Variants in PRKAR1B observed in about 807,000 individuals in gnomAD.
PRKAR1B encodes the protein cAMP-dependent protein kinase type I-beta regulatory subunit.
In PRKAR1B, 22 loss-of-function variants were observed where a neutral mutation model predicts 46.5. The ratio of observed to expected loss-of-function variants is 0.47; its 90% confidence interval spans 0.34 to 0.68. The LOEUF (loss-of-function observed/expected upper bound fraction) is 0.68. PRKAR1B is among the 30% of genes least tolerant of loss of function. The pLI is 0.01. For missense variants in PRKAR1B, 445 were observed against 535.6 expected (o/e 0.83, Z 1.67); for synonymous variants, 259 against 217.7 (o/e 1.19, Z -1.67).
At chr7:725,802 C>T (rs952748616) in intron 1 of PRKAR1B, among the ~76,000 whole-genome samples, 1 of 152,190 alleles carries the variant, frequency 6.6e-6, no homozygotes, top group Non-Finnish European at 1.5e-5. Context: ...AAGATTGGTG[C>T]TCAAGATATT....
At chr7:642,885 C>A (rs2128485890) in intron 4 of PRKAR1B, among the ~76,000 whole-genome samples, 1 of 151,596 alleles carries the variant, frequency 6.6e-6, no homozygotes, top group Middle Eastern at 3.4e-3. Context: ...GGGTCGCAGT[C>A]ATCTGTCCTG....
rs1331727272 is a variant in PRKAR1B, at chr7:666,995, G to A, written c.440+10234C>T. ...TGATGGTGATGATAAAGATGATGAT[G>A]GCAATGGTGGTGATGAGGATGGTGG... is the stretch of plus-strand genomic sequence containing the variant. On this transcript the variant is annotated intron_variant, in intron 4 of 10. Transcript: ENST00000537384. The surrounding 1 kb of genome is among the most constrained non-coding windows in gnomAD (Gnocchi z 4.9). Among the ~76,000 whole-genome samples, 1 of 152,212 alleles carries A rather than the reference G, an allele frequency of 6.6e-6. No individual in the cohort carries two copies. Among genetic ancestry groups the A allele is most frequent in the Non-Finnish European group, 1.5e-5 (1 of 68,032 alleles).
rs1337727605 is a variant in PRKAR1B, at chr7:602,849, G to A, written c.549+3344C>T. Among the ~76,000 whole-genome samples the A allele has an allele frequency of 6.6e-6, 1 of 152,140 alleles. No individual in the cohort carries two copies. Among genetic ancestry groups the A allele is most frequent in the East Asian group, 1.9e-4 (1 of 5,182 alleles). ...TTTCTGAGTAATATGGAAATGGCAC[G>A]GCTCAGCCACACAAGGGCCTGGGCA... On this transcript the variant is annotated intron_variant, in intron 6 of 10. Coordinates refer to ENST00000537384, the MANE Select transcript of PRKAR1B (RefSeq NM_001164760.2). This position sits in a 1 kb window ranked among gnomAD's most constrained non-coding sequence, Gnocchi z 6.4.
chr7:711,422 C>T lies in PRKAR1B; in HGVS notation c.84G>A (p.Gln28=). 6.2e-7 allele frequency: 1 copy of T among 1,614,234 alleles called. No individual in the cohort carries two copies. Among genetic ancestry groups the T allele is most frequent in the East Asian group, 2.2e-5 (1 of 44,880 alleles). Residue 28 remains glutamine, a synonymous_variant, in exon 2 of 11, where the codon CAG becomes CAA. Coordinates refer to ENST00000537384, the MANE Select transcript of PRKAR1B (RefSeq NM_001164760.2). ...CELYVQLHGI[Q]QVLKDCIVHL... ...GGACGATACAGTCTTTGAGGACCTG[C>T]TGGATCCCGTGCAGCTGCACGTACA... is the stretch of plus-strand genomic sequence containing the variant.
At chr7:601,623 C>T (rs992533170) in intron 6 of PRKAR1B, among the ~76,000 whole-genome samples, 4 of 152,212 alleles carry the variant, frequency 2.6e-5, no homozygotes, top group Admixed American at 6.5e-5. Context: ...CGGCCCCGCC[C>T]GGCCCCGCCG....
chr7:615,387 T>A (rs1332613127), intron 4 of PRKAR1B, among the ~76,000 whole-genome samples: 1 of 149,392 alleles, frequency 6.7e-6, no homozygotes, highest in Non-Finnish European at 1.5e-5. Context: ...ATCGCGCCAC[T>A]GCACGCCAGC....
intron 4 of PRKAR1B, among the ~76,000 whole-genome samples, chr7:645,805 G>A (rs891385971): frequency 6.6e-6 from 1 of 152,106 alleles, no homozygotes; most frequent in African/African-American, 2.4e-5. Flanking sequence ...GTCAGCATGC[G>A]GGGGTGCTCC....
chr7:684,941 A>G (rs1262278241), intron 2 of PRKAR1B, among the ~76,000 whole-genome samples: 1 of 151,960 alleles, frequency 6.6e-6, no homozygotes, highest in African/African-American at 2.4e-5. Flanking sequence ...ATTTCATTTT[A>G]AATACTTCAA....
chr7:681,782 T>A (rs1778700081), intron 2 of PRKAR1B, among the ~76,000 whole-genome samples: 2 of 152,360 alleles, frequency 1.3e-5, no homozygotes, highest in South Asian at 4.1e-4. Context: ...TCAGCCACTC[T>A]AAACCTCATG....
intron 2 of PRKAR1B, among the ~76,000 whole-genome samples, chr7:702,805 C>A (rs556183706): frequency 3.3e-5 from 5 of 151,876 alleles, no homozygotes; most frequent in Non-Finnish European, 7.4e-5. Context: ...CCTGGGCAAA[C>A]GGGGCAAGAC....
intron 3 of PRKAR1B, among the ~76,000 whole-genome samples, chr7:679,730 T>A (rs949592809): frequency 1.3e-5 from 2 of 152,126 alleles, no homozygotes; most frequent in Non-Finnish European, 2.9e-5. Context: ...GACTTGTGTC[T>A]CCCCAGAAAT....
intron 9 of PRKAR1B, among the ~76,000 whole-genome samples, chr7:559,727 C>A (rs1295688385): frequency 6.6e-6 from 1 of 152,156 alleles, no homozygotes; most frequent in South Asian, 2.1e-4. Flanking sequence ...GGCACATGCA[C>A]CCCAAGTCCC....
chr7:702,302 A>T (rs1308989446), intron 2 of PRKAR1B, among the ~76,000 whole-genome samples: 1 of 152,120 alleles, frequency 6.6e-6, no homozygotes, highest in Non-Finnish European at 1.5e-5. Context: ...AAAAAGAAAC[A>T]TAGGAAAAAA....
chr7:636,509 G>A (rs893363719), intron 4 of PRKAR1B, among the ~76,000 whole-genome samples: 9 of 152,130 alleles, frequency 5.9e-5, no homozygotes, highest in Admixed American at 4.6e-4. Context: ...ACCAGGGGTG[G>A]GGGGTTTCCT....
intron 9 of PRKAR1B, among the ~76,000 whole-genome samples, chr7:559,649 C>G (rs937065957): frequency 6.6e-6 from 1 of 152,202 alleles, no homozygotes; most frequent in South Asian, 2.1e-4. Context: ...ATGCGGGACG[C>G]CACACGCGTG....
intron 1 of PRKAR1B, among the ~76,000 whole-genome samples, chr7:721,874 T>C (rs1041478819): frequency 6.6e-6 from 1 of 152,114 alleles, no homozygotes; most frequent in Non-Finnish European, 1.5e-5. Context: ...TTTGTGGTTT[T>C]GGTTAAGAAA....
chr7:600,650 T>C (rs530105410), intron 6 of PRKAR1B, among the ~76,000 whole-genome samples: 18 of 152,184 alleles, frequency 1.2e-4, no homozygotes, highest in Non-Finnish European at 2.4e-4. Flanking sequence ...CCCCCAGACG[T>C]GTTGTGTGAA....
chr7:670,757 C>A (rs573313616), intron 4 of PRKAR1B, among the ~76,000 whole-genome samples: 257 of 149,950 alleles, frequency 1.7e-3, no homozygotes, highest in Non-Finnish European at 2.9e-3. Context: ...CGAGCTCCCC[C>A]ACGCCACGGC....
At chr7:726,602 A>T (rs1383847425) in intron 1 of PRKAR1B, 7 of 776,998 alleles carry the variant, frequency 9.0e-6, no homozygotes, top group Non-Finnish European at 1.2e-5. Flanking sequence ...CCACGTGCGC[A>T]CCGGCGGGGA....
Sources: gnomAD v4.1 joint callset for allele counts (sites outside exome capture counted in the v4.1 genomes callset) on GRCh38, gnomAD v4.1.1 for gene constraint, Gnocchi (gnomAD v3.1) non-coding constraint, MANE v1.5 for transcripts, NCBI Gene and HGNC (gene_info 2026-07-23, HGNC 2026-07-21) for gene names.